The following RSPO3 variants were observed in gnomAD, a reference collection of about 807,000 sequenced individuals.
RSPO3 encodes R-spondin-3.
A neutral mutation model predicts 36.5 loss-of-function variants in RSPO3; 17 were observed. That is an observed-to-expected ratio of 0.47 (90% CI 0.32 to 0.70). The LOEUF is 0.70. RSPO3 is among the 30% of genes least tolerant of loss of function. The pLI is 0.04. For synonymous variants in RSPO3, 108 were observed against 107.0 expected (o/e 1.01, Z -0.06); for missense variants, 294 against 322.5 (o/e 0.91, Z 0.68).
intron 4 of RSPO3, among the ~76,000 whole-genome samples, chr6:127,178,833 G>A (rs1167854243): frequency 6.6e-6 from 1 of 151,766 alleles, no homozygotes; most frequent in Non-Finnish European, 1.5e-5. Context: ...TAGCTCAGAA[G>A]GCTTTACCAG....
chr6:127,128,064 G>A (rs1001879986), intron 1 of RSPO3, among the ~76,000 whole-genome samples: 8 of 151,978 alleles, frequency 5.3e-5, no homozygotes, highest in East Asian at 3.9e-4. Context: ...TATGGTGCGC[G>A]TAACCAAGAA....
At chr6:127,168,106 G>C (rs1047120708) in intron 4 of RSPO3, among the ~76,000 whole-genome samples, 1 of 152,048 alleles carries the variant, frequency 6.6e-6, no homozygotes, top group Non-Finnish European at 1.5e-5. Flanking sequence ...ATAATCCTTT[G>C]GGTATATACC....
At chr6:127,191,025 G>A (rs943383877) in intron 4 of RSPO3, among the ~76,000 whole-genome samples, 5 of 152,042 alleles carry the variant, frequency 3.3e-5, no homozygotes, top group Non-Finnish European at 7.4e-5. Flanking sequence ...GAATAATTCA[G>A]GATCACTCTC....
chr6:127,194,631 C>A (rs1234750931), intron 4 of RSPO3, among the ~76,000 whole-genome samples: 1 of 152,186 alleles, frequency 6.6e-6, no homozygotes, highest in East Asian at 1.9e-4. Context: ...TTATTCTCTT[C>A]TTCTAAAACT....
intron 4 of RSPO3, among the ~76,000 whole-genome samples, chr6:127,175,571 A>T (rs1482108106): frequency 6.6e-6 from 1 of 151,824 alleles, no homozygotes; most frequent in Non-Finnish European, 1.5e-5. Flanking sequence ...CTTTTGGATC[A>T]TTTAAATGCA....
chr6:127,128,653 ATAAAG>A (rs1462794294), intron 1 of RSPO3, among the ~76,000 whole-genome samples: 18 of 152,140 alleles, frequency 1.2e-4, no homozygotes, highest in African/African-American at 4.1e-4. Flanking sequence ...AGTGTAAAAT[ATAAAG>A]TATTCTGATA....
At position 127,198,088 on chromosome 6, in the gene RSPO3, A is replaced by ACCTTC. The variant is rs1775551877; in HGVS notation, c.*2084_*2085insTCCCT. ...ACAAGCACTTACTGGGAAGGTCTAC[A>ACCTTC]CCTGCATAGGCAATGCTGGAAAAAG... On this transcript the variant is annotated 3_prime_UTR_variant, in exon 5 of 5. Transcript: ENST00000356698. Among the ~76,000 whole-genome samples the ACCTTC allele has an allele frequency of 6.6e-6, 1 of 152,198 alleles. No individual in the cohort carries two copies. Among genetic ancestry groups the ACCTTC allele is most frequent in the Admixed American group, 6.5e-5 (1 of 15,276 alleles).
chr6:127,137,981 C>T (rs1774194428), intron 1 of RSPO3, among the ~76,000 whole-genome samples: 1 of 152,116 alleles, frequency 6.6e-6, no homozygotes, highest in African/African-American at 2.4e-5. Flanking sequence ...ATTGAATAAA[C>T]AATTATTTGT....
rs1427663468 is a variant in RSPO3, at chr6:127,118,948, A to G, written c.-245A>G. 1.9e-5 allele frequency: 6 copies of G among 309,902 alleles called. No homozygotes were observed. Among genetic ancestry groups the G allele is most frequent in the Non-Finnish European group, 5.9e-6 (1 of 170,870 alleles). 19.2% of individuals were successfully genotyped at this position (309,902 alleles called of 1,614,324 possible). ...TGGAACCCCGGTTCGCGGCGATGCC[A>G]GCCACCCCAGCGAAGCCGCCGCAGT... On this transcript the variant is annotated 5_prime_UTR_variant, in exon 1 of 5. Transcript: ENST00000356698.
intron 4 of RSPO3, among the ~76,000 whole-genome samples, chr6:127,159,523 T>C (rs1397743494): frequency 6.6e-6 from 1 of 152,020 alleles, no homozygotes; most frequent in Non-Finnish European, 1.5e-5. Context: ...AAGAAACAAA[T>C]GTGGGAATCA....
At chr6:127,194,820 C>T (rs1307884027) in intron 4 of RSPO3, among the ~76,000 whole-genome samples, 1 of 152,078 alleles carries the variant, frequency 6.6e-6, no homozygotes, top group Non-Finnish European at 1.5e-5. Context: ...AGCTCCAGGT[C>T]GGGGGCCTGC....
chr6:127,158,522 G>A (rs903416706), intron 4 of RSPO3, among the ~76,000 whole-genome samples: 1 of 152,062 alleles, frequency 6.6e-6, no homozygotes, highest in African/African-American at 2.4e-5. Context: ...ATTGCCAAAG[G>A]CAAGATCTCC....
intron 1 of RSPO3, among the ~76,000 whole-genome samples, chr6:127,135,784 GGGCATGAT>G (rs1453731168): frequency 6.6e-6 from 1 of 151,992 alleles, no homozygotes; most frequent in East Asian, 1.9e-4. Flanking sequence ...AAAATTAGCC[GGGCATGAT>G]GGCTCAAACC....
chr6:127,139,591 A>T (rs1207867420), intron 1 of RSPO3, among the ~76,000 whole-genome samples: 4 of 151,884 alleles, frequency 2.6e-5, no homozygotes, highest in East Asian at 1.9e-4. Context: ...TTAAAAAAAA[A>T]TTTCTAATTA....
At position 127,155,329 on chromosome 6, in the gene RSPO3, G is replaced by A. The variant is rs1245270896; in HGVS notation, c.525G>A (p.Arg175=). 8.7e-6 allele frequency: 14 copies of A among 1,613,736 alleles called. No individual in the cohort carries two copies. The highest frequency in any genetic ancestry group is 1.1e-5 in the Non-Finnish European group (13 of 1,179,904). Residue 175 remains arginine (R), a synonymous_variant, in exon 4 of 5, where the codon CGG becomes CGA. Coordinates refer to ENST00000356698, the MANE Select transcript of RSPO3 (RefSeq NM_032784.5). The part of the protein sequence containing the change: ...TCGFKRGTET[R]VREIIQHPSA... Reference sequence around the variant, plus strand: ...GCTTCAAAAGAGGGACTGAAACACGGGTCCGAGAAATAATACAGCATCCTT... The same window carrying A: ...GCTTCAAAAGAGGGACTGAAACACGAGTCCGAGAAATAATACAGCATCCTT...
At chr6:127,151,534 C>T (rs1258118626) in intron 3 of RSPO3, among the ~76,000 whole-genome samples, 6 of 151,988 alleles carry the variant, frequency 3.9e-5, no homozygotes, top group African/African-American at 1.2e-4. Context: ...AGATAGTCTC[C>T]AGGACTCCCC....
intron 1 of RSPO3, among the ~76,000 whole-genome samples, chr6:127,133,455 A>G (rs1287625542): frequency 6.6e-6 from 1 of 152,102 alleles, no homozygotes; most frequent in Non-Finnish European, 1.5e-5. Context: ...AATTTAGACA[A>G]ATCATTTAGT....
intron 1 of RSPO3, among the ~76,000 whole-genome samples, chr6:127,135,184 G>A (rs1774129507): frequency 1.3e-5 from 2 of 152,290 alleles, no homozygotes; most frequent in South Asian, 4.1e-4. Context: ...CACTTTGGGA[G>A]GCCAAGGCGG....
intron 3 of RSPO3, among the ~76,000 whole-genome samples, chr6:127,155,017 C>T (rs1016062800): frequency 6.6e-6 from 1 of 152,018 alleles, no homozygotes; most frequent in African/African-American, 2.4e-5. Context: ...AAAGGAAATC[C>T]AATGCAAAAA....
Sources: allele counts gnomAD v4.1 joint callset (sites outside exome capture counted in the v4.1 genomes callset), GRCh38; gene constraint gnomAD v4.1.1; transcripts MANE v1.5; gene names NCBI Gene and HGNC (gene_info 2026-07-23, HGNC 2026-07-21).